The following EPC2 variants were observed in gnomAD, a reference collection of about 807,000 sequenced individuals.
EPC2 encodes enhancer of polycomb 2, also known as enhancer of polycomb homolog 2.
In EPC2, 14 loss-of-function variants were observed where a neutral mutation model predicts 92.1. That is an observed-to-expected ratio of 0.15 (90% CI 0.10 to 0.24). The LOEUF (loss-of-function observed/expected upper bound fraction) is 0.24. Ranked by LOEUF, EPC2 falls within the 10% of genes least tolerant of loss-of-function variation. The pLI is 1.00. For synonymous variants in EPC2, 340 were observed against 334.7 expected (o/e 1.02, Z -0.17); for missense variants, 755 against 971.5 (o/e 0.78, Z 2.96).
At chr2:148,662,617 T>C (rs1013587982) in intron 1 of EPC2, among the ~76,000 whole-genome samples, 2 of 148,482 alleles carry the variant, frequency 1.3e-5, no homozygotes, top group Admixed American at 1.3e-4. Flanking sequence ...AATTGAACAA[T>C]GAGAACACAT....
At chr2:148,772,556 C>T (rs1044456747) in intron 10 of EPC2, among the ~76,000 whole-genome samples, 1 of 152,046 alleles carries the variant, frequency 6.6e-6, no homozygotes, top group Admixed American at 6.5e-5. Context: ...CAACTTGACT[C>T]GTACAGTGAT....
At chr2:148,712,907 A>T (rs933857355) in intron 2 of EPC2, among the ~76,000 whole-genome samples, 3 of 151,612 alleles carry the variant, frequency 2.0e-5, no homozygotes, top group African/African-American at 7.3e-5. Context: ...AAAGTATAGC[A>T]TGCTAGCCAG....
intron 1 of EPC2, among the ~76,000 whole-genome samples, chr2:148,668,139 C>T (rs1681089555): frequency 6.6e-6 from 1 of 152,108 alleles, no homozygotes; most frequent in Non-Finnish European, 1.5e-5. Context: ...CCGTGTGATC[C>T]ACCTGCCTCG....
In EPC2 at chr2:148,787,475, ATGTT is replaced by A. The variant is rs1354950575; in HGVS notation, c.*1104_*1107del. 2 of 152,622 alleles carry A rather than the reference ATGTT, an allele frequency of 1.3e-5. No individual in the cohort carries two copies. Among genetic ancestry groups the A allele is most frequent in the Non-Finnish European group, 2.9e-5 (2 of 68,050 alleles). The allele number at this position is 152,622 out of a possible 1,614,324, so 9.5% of individuals were successfully genotyped here. On this transcript the variant is annotated 3_prime_UTR_variant, in exon 14 of 14. Transcript: ENST00000258484. ...TAGATACGTGTAGTGGTGTTTCAGA[ATGTT>A]TGTTTATGCACTAGTTCAGACAACT...
At chr2:148,778,180 T>G (rs1683683200) in intron 10 of EPC2, among the ~76,000 whole-genome samples, 1 of 152,180 alleles carries the variant, frequency 6.6e-6, no homozygotes, top group African/African-American at 2.4e-5. Context: ...TGAGATAAAT[T>G]TATGACCAGC....
rs62184089 is a variant in EPC2 at position 148,678,607 on chromosome 2, G to T, written c.154-11607G>T. ...GCAGCACTGGTGGGCTGGCACTGCT[G>T]GGGGACCCAGTACAGCCTCCGCAGC... On this transcript the variant is annotated intron_variant, in intron 1 of 13. Coordinates refer to ENST00000258484, the MANE Select transcript of EPC2 (RefSeq NM_015630.4). Among the ~76,000 whole-genome samples the T allele has an allele frequency of 9.2e-4, 140 of 152,358 alleles. 1 individual carries two copies. The highest frequency in any genetic ancestry group is 1.4e-3 in the Non-Finnish European group (94 of 68,030).
chr2:148,663,937 C>A (rs1681006154), intron 1 of EPC2, among the ~76,000 whole-genome samples: 1 of 152,152 alleles, frequency 6.6e-6, no homozygotes, highest in Admixed American at 6.5e-5. Flanking sequence ...TGCTTGCCCT[C>A]TGCTCAACTC....
chr2:148,647,305 T>G (rs1293775961), intron 1 of EPC2, among the ~76,000 whole-genome samples: 2 of 152,282 alleles, frequency 1.3e-5, no homozygotes, highest in Admixed American at 1.3e-4. Context: ...GTGTTGCAAT[T>G]TTTTGTTTAT....
chr2:148,734,506 G>C (rs1310919260), intron 2 of EPC2, among the ~76,000 whole-genome samples: 1 of 152,006 alleles, frequency 6.6e-6, no homozygotes, highest in South Asian at 2.1e-4. Flanking sequence ...AAATTCTATA[G>C]TACTTGACTT....
At chr2:148,694,770 C>A (rs566725226) in intron 2 of EPC2, among the ~76,000 whole-genome samples, 8 of 152,114 alleles carry the variant, frequency 5.3e-5, no homozygotes, top group African/African-American at 1.9e-4. Flanking sequence ...CTCCTCCCCC[C>A]GCCCAAACCC....
At chr2:148,686,416 C>T (rs1437267773) in intron 1 of EPC2, among the ~76,000 whole-genome samples, 1 of 152,224 alleles carries the variant, frequency 6.6e-6, no homozygotes, top group Non-Finnish European at 1.5e-5. Flanking sequence ...TTGAACTCCT[C>T]AAAGTCATCC....
At chr2:148,678,870 G>A (rs1681333027) in intron 1 of EPC2, among the ~76,000 whole-genome samples, 1 of 152,208 alleles carries the variant, frequency 6.6e-6, no homozygotes, top group Non-Finnish European at 1.5e-5. Flanking sequence ...CTCCTCAAGT[G>A]CCGCCAAAGT....
At chr2:148,715,352 T>A (rs1381332491) in intron 2 of EPC2, among the ~76,000 whole-genome samples, 2 of 152,172 alleles carry the variant, frequency 1.3e-5, no homozygotes, top group Non-Finnish European at 2.9e-5. Context: ...GTTTTTATAG[T>A]TTTGGGTTTT....
chr2:148,695,666 G>A (rs1681733023), intron 2 of EPC2, among the ~76,000 whole-genome samples: 1 of 152,214 alleles, frequency 6.6e-6, no homozygotes, highest in Admixed American at 6.5e-5. Flanking sequence ...ATTGGAAAGA[G>A]TTGGGGAGGA....
intron 1 of EPC2, among the ~76,000 whole-genome samples, chr2:148,677,192 A>C (rs938777511): frequency 6.6e-6 from 1 of 152,142 alleles, no homozygotes; most frequent in African/African-American, 2.4e-5. Context: ...GGTTTGAGAG[A>C]CTGTCTCATA....
intron 10 of EPC2, among the ~76,000 whole-genome samples, chr2:148,776,856 C>CTCTCTTTTTTTTTTTTTTTTTTTTTT (rs1247135854): frequency 3.0e-5 from 3 of 101,042 alleles, no homozygotes; most frequent in Admixed American, 1.2e-4. Flanking sequence ...GTCTCTCTCT[C>CTCTCTTTTTTTTTTTTTTTTTTTTTT]TTTTTTTTTT....
chr2:148,650,722 T>C (rs1411333924), intron 1 of EPC2, among the ~76,000 whole-genome samples: 1 of 152,150 alleles, frequency 6.6e-6, no homozygotes, highest in Non-Finnish European at 1.5e-5. Flanking sequence ...TTGGCACTAA[T>C]ATATTTCATG....
intron 2 of EPC2, among the ~76,000 whole-genome samples, chr2:148,695,483 C>T (rs1425687921): frequency 6.6e-6 from 1 of 152,220 alleles, no homozygotes; most frequent in Admixed American, 6.5e-5. Flanking sequence ...AAAAGTTACA[C>T]TTACCAACAT....
chr2:148,732,735 T>G (rs577106210), intron 2 of EPC2, among the ~76,000 whole-genome samples: 5 of 152,130 alleles, frequency 3.3e-5, no homozygotes, highest in Non-Finnish European at 7.4e-5. Context: ...TCTGAGTGGC[T>G]TATGTGGTCA....
Sources: allele counts gnomAD v4.1 joint callset (sites outside exome capture counted in the v4.1 genomes callset), GRCh38; gene constraint gnomAD v4.1.1; transcripts MANE v1.5; gene names NCBI Gene and HGNC (gene_info 2026-07-23, HGNC 2026-07-21).